Variants in NET1 observed in about 807,000 individuals in gnomAD.
NET1 encodes the protein neuroepithelial cell-transforming gene 1 protein.
A neutral mutation model predicts 61.1 loss-of-function variants in NET1; 42 were observed. The observed-to-expected ratio is 0.69, with a 90% CI of 0.54 to 0.89. The LOEUF (loss-of-function observed/expected upper bound fraction) is 0.89. NET1 is among the 40% of genes least tolerant of loss of function. The pLI is 0.00. For synonymous variants in NET1, 254 were observed against 281.8 expected, an observed-to-expected ratio of 0.90 and a Z score of 0.99; for missense variants, 654 against 747.3, an observed-to-expected ratio of 0.88 and a Z score of 1.46.
intron 3 of NET1, among the ~76,000 whole-genome samples, chr10:5,432,489 ACAGT>A (rs1832363903): frequency 1.3e-5 from 2 of 152,212 alleles, no homozygotes; most frequent in African/African-American, 4.8e-5. Context: ...GTAGGGATGT[ACAGT>A]CAAATTACTG....
Position 5,435,186 on chromosome 10 carries a change from A to T in NET1, c.255+5957A>T, listed in dbSNP as rs1415481440. On this transcript the variant is annotated intron_variant, in intron 3 of 11. Coordinates refer to ENST00000355029, the MANE Select transcript of NET1 (RefSeq NM_001047160.3). The surrounding 1 kb of genome is among the most constrained non-coding windows in gnomAD (Gnocchi z 5.0). Reference sequence around the variant, plus strand: ...ACGGGACCTATTCCAGACCAATTCCATATATGAATGGAGGAATAGGGGAGG... The same window carrying T: ...ACGGGACCTATTCCAGACCAATTCCTTATATGAATGGAGGAATAGGGGAGG... Among the ~76,000 whole-genome samples the T allele has an allele frequency of 1.3e-5, 2 of 152,198 alleles. No individual in the cohort carries two copies. The highest frequency in any genetic ancestry group is 2.9e-5 in the Non-Finnish European group (2 of 68,028).
Position 5,427,380 on chromosome 10 carries a change from T to C in NET1, c.195+659T>C, listed in dbSNP as rs543273719. ...TAAGTATGATCATATATGTGCTTTT[T>C]TCCCCTTAGTACAGTCTAATATTGC... is the stretch of plus-strand genomic sequence containing the variant. On this transcript the variant is annotated intron_variant, in intron 2 of 11. Transcript: ENST00000355029. The surrounding 1 kb of genome is among the most constrained non-coding windows in gnomAD (Gnocchi z 4.1). 1.3e-5 allele frequency among the ~76,000 whole-genome samples: 2 copies of C among 152,290 alleles called. No homozygotes were observed. The highest frequency in any genetic ancestry group is 4.1e-4 in the South Asian group (2 of 4,832).
Position 5,453,506 on chromosome 10 carries a change from A to C in NET1, c.714A>C (p.Glu238Asp). 1 of 1,614,210 alleles carries C rather than the reference A, an allele frequency of 6.2e-7. No individual in the cohort carries two copies. The highest frequency in any genetic ancestry group is 8.5e-7 in the Non-Finnish European group (1 of 1,180,034). ...LHEDLLTRIG[E>D]ATKPDGTVEQ... ...CAGATTTGTTGACAAGAATAGGAGA[A>C]GCAACCAAGCCTGATGGAACAGTGG... is the stretch of plus-strand genomic sequence containing the variant. The change falls in exon 8 of 12, where the codon GAA (glutamate) becomes GAC (aspartate). Residue 238 changes from glutamate to aspartate, a missense_variant. Coordinates refer to ENST00000355029, the MANE Select transcript of NET1 (RefSeq NM_001047160.3). The surrounding 1 kb of genome is among the most constrained non-coding windows in gnomAD (Gnocchi z 4.9).
Position 5,446,722 on chromosome 10 carries a change from C to T in NET1, c.256-5108C>T. 3 of 1,541,686 alleles carry T rather than the reference C, an allele frequency of 1.9e-6. No homozygotes were observed. Among genetic ancestry groups the T allele is most frequent in the Non-Finnish European group, 2.6e-6 (3 of 1,136,496 alleles). On this transcript the variant is annotated intron_variant, in intron 3 of 11. Transcript: ENST00000355029. The surrounding 1 kb of genome is among the most constrained non-coding windows in gnomAD (Gnocchi z 5.0). ...GCATAGCGTCGCTACAGCGCTGACTCGGTGTGGATTGATTGGAAAGGTTTG... is the reference window on the plus strand; with the variant it reads ...GCATAGCGTCGCTACAGCGCTGACTTGGTGTGGATTGATTGGAAAGGTTTG...
Position 5,422,023 on chromosome 10 carries a change from A to G in NET1, c.129-4632A>G, listed in dbSNP as rs1319328513. Among the ~76,000 whole-genome samples the G allele has an allele frequency of 6.6e-6, 1 of 152,202 alleles. No homozygotes were observed. Among genetic ancestry groups the G allele is most frequent in the Non-Finnish European group, 1.5e-5 (1 of 68,034 alleles). ...TTTCCAGTTTGGTGCTTTTATGGAT[A>G]ATGCTGCTATGAACATTTGCATGTA... On this transcript the variant is annotated intron_variant, in intron 1 of 11. Coordinates refer to ENST00000355029, the MANE Select transcript of NET1 (RefSeq NM_001047160.3). The surrounding 1 kb of genome is among the most constrained non-coding windows in gnomAD (Gnocchi z 4.1).
At position 5,423,043 on chromosome 10, in the gene NET1, G is replaced by GA. The variant is rs766238508; in HGVS notation, c.129-3606dup. Among the ~76,000 whole-genome samples, 9 of 152,050 alleles carry GA rather than the reference G, an allele frequency of 5.9e-5. No individual in the cohort carries two copies. The highest frequency in any genetic ancestry group is 4.1e-4 in the South Asian group (2 of 4,830). ...ACAGATTACATTTTTTATTTAATTG[G>GA]AAAAAATGTTATTTTTAGGATAAGA... On this transcript the variant is annotated intron_variant, in intron 1 of 11. Coordinates refer to ENST00000355029, the MANE Select transcript of NET1 (RefSeq NM_001047160.3). This position sits in a 1 kb window ranked among gnomAD's most constrained non-coding sequence, Gnocchi z 4.4.
Position 5,420,720 on chromosome 10 carries a change from C to T in NET1, c.129-5935C>T, listed in dbSNP as rs541926950. On this transcript the variant is annotated intron_variant, in intron 1 of 11. Coordinates refer to ENST00000355029, the MANE Select transcript of NET1 (RefSeq NM_001047160.3). This position sits in a 1 kb window ranked among gnomAD's most constrained non-coding sequence, Gnocchi z 5.3. ...AAGTGATCCTCCTTCCTCAGCCTCC[C>T]GAGTAACTGGGATTACAGGCAAGCG... Among the ~76,000 whole-genome samples the T allele has an allele frequency of 2.0e-5, 3 of 152,240 alleles. No homozygotes were observed. Among genetic ancestry groups the T allele is most frequent in the South Asian group, 2.1e-4 (1 of 4,808 alleles).
At position 5,417,958 on chromosome 10, in the gene NET1, GA is replaced by G. The variant is rs1832109118; in HGVS notation, c.128+5139del. 6.6e-6 allele frequency among the ~76,000 whole-genome samples: 1 copy of G among 152,016 alleles called. No homozygotes were observed. Reference sequence around the variant, plus strand: ...TTATTACTGATGTGTTACATTAATTGATTTTTTGGGATGTTAAACCAACTTT... The same window carrying G: ...TTATTACTGATGTGTTACATTAATTGTTTTTTGGGATGTTAAACCAACTTT... On this transcript the variant is annotated intron_variant, in intron 1 of 11. Transcript: ENST00000355029. The surrounding 1 kb of genome is among the most constrained non-coding windows in gnomAD (Gnocchi z 5.5).
rs530125328 is a variant in NET1, at chr10:5,447,796, C to G, written c.256-4034C>G. Reference sequence around the variant, plus strand: ...TTTTGTTCTTGGTTTTGGTCTTTGCCTATGTGTCGGTTTTCTCAAAATGTG... The same window carrying G: ...TTTTGTTCTTGGTTTTGGTCTTTGCGTATGTGTCGGTTTTCTCAAAATGTG... On this transcript the variant is annotated intron_variant, in intron 3 of 11. Transcript: ENST00000355029. This position sits in a 1 kb window ranked among gnomAD's most constrained non-coding sequence, Gnocchi z 4.1. Among the ~76,000 whole-genome samples the G allele has an allele frequency of 2.0e-5, 3 of 152,116 alleles. No individual in the cohort carries two copies. The South Asian group carries it at 6.2e-4, about 32-fold the overall frequency.
rs892602187 is a variant in NET1, at chr10:5,456,017, T to A, written c.1198-70T>A. The stretch of plus-strand genomic sequence containing the variant: ...TGATGAAATTAATAATGTCGAGTTA[T>A]TTTAGCAATATATTTCAGTCACTTA... On this transcript the variant is annotated intron_variant, in intron 10 of 11. Transcript: ENST00000355029. The surrounding 1 kb of genome is among the most constrained non-coding windows in gnomAD (Gnocchi z 7.0). 7.3e-7 allele frequency: 1 copy of A among 1,377,282 alleles called. No individual in the cohort carries two copies. Among genetic ancestry groups the A allele is most frequent in the Admixed American group, 2.1e-5 (1 of 46,648 alleles). The allele number at this position is 1,377,282 out of a possible 1,614,324, so 85.3% of individuals were successfully genotyped here.
chr10:5,453,784 C>G lies in NET1; in HGVS notation c.768+224C>G, dbSNP rs1372632347. On this transcript the variant is annotated intron_variant, in intron 8 of 11. Transcript: ENST00000355029. This position sits in a 1 kb window ranked among gnomAD's most constrained non-coding sequence, Gnocchi z 4.9. ...GGTTCATTTGTGTTACAAATACGTTCCTGCTTGGATAGAATTCCCACATCA... is the reference window on the plus strand; with the variant it reads ...GGTTCATTTGTGTTACAAATACGTTGCTGCTTGGATAGAATTCCCACATCA... 6.6e-6 allele frequency among the ~76,000 whole-genome samples: 1 copy of G among 151,866 alleles called. No homozygotes were observed. Among genetic ancestry groups the G allele is most frequent in the African/African-American group, 2.4e-5 (1 of 41,342 alleles).
rs1384632586 is a variant in NET1, at chr10:5,446,545, G to C, written c.256-5285G>C. ...CACGTGGTGGTGGACCCCGCCCCCA[G>C]GGCCCGGTTGGCTGTGGCCCCGCCC... On this transcript the variant is annotated intron_variant, in intron 3 of 11. Coordinates refer to ENST00000355029, the MANE Select transcript of NET1 (RefSeq NM_001047160.3). The surrounding 1 kb of genome is among the most constrained non-coding windows in gnomAD (Gnocchi z 5.0). 6 of 1,144,344 alleles carry C rather than the reference G, an allele frequency of 5.2e-6. No homozygotes were observed. The highest frequency in any genetic ancestry group is 3.6e-4 in the Middle Eastern group (1 of 2,774). 70.9% of individuals were successfully genotyped at this position (1,144,344 alleles called of 1,614,324 possible). A position where few individuals can be genotyped will look rare whatever the true frequency, so the allele number is the denominator to read the frequency against.
chr10:5,415,352 G>A lies in NET1; in HGVS notation c.128+2532G>A, dbSNP rs772300303. The stretch of plus-strand genomic sequence containing the variant: ...CTTCTGCCCTAAAACCTAATCTGTC[G>A]GTCTGTAGGAATTTCTCTGTTCTGG... On this transcript the variant is annotated intron_variant, in intron 1 of 11. Transcript: ENST00000355029. The surrounding 1 kb of genome is among the most constrained non-coding windows in gnomAD (Gnocchi z 4.7). Among the ~76,000 whole-genome samples the A allele has an allele frequency of 2.0e-5, 3 of 151,918 alleles. No homozygotes were observed. The South Asian group carries it at 6.2e-4, about 32-fold the overall frequency.
rs551099646 is a variant in NET1, at chr10:5,453,768, G to A, written c.768+208G>A. On this transcript the variant is annotated intron_variant, in intron 8 of 11. Coordinates refer to ENST00000355029, the MANE Select transcript of NET1 (RefSeq NM_001047160.3). The surrounding 1 kb of genome is among the most constrained non-coding windows in gnomAD (Gnocchi z 4.9). ...CTTCATTAATGCTATAGGTTCATTT[G>A]TGTTACAAATACGTTCCTGCTTGGA... Among the ~76,000 whole-genome samples, 32 of 151,544 alleles carry A rather than the reference G, an allele frequency of 2.1e-4. 1 individual carries two copies. The highest frequency in any genetic ancestry group is 7.7e-4 in the African/African-American group (32 of 41,400).
chr10:5,452,724 C>T lies in NET1; in HGVS notation c.532-134C>T. Reference sequence around the variant, plus strand: ...TACGGCAACCTTGTATTTGAGATTCCATTCTGAATTACAATTTTCAGACTG... The same window carrying T: ...TACGGCAACCTTGTATTTGAGATTCTATTCTGAATTACAATTTTCAGACTG... On this transcript the variant is annotated intron_variant, in intron 5 of 11. Transcript: ENST00000355029. This position sits in a 1 kb window ranked among gnomAD's most constrained non-coding sequence, Gnocchi z 4.0. The T allele has an allele frequency of 3.1e-6, 3 of 955,348 alleles. No individual in the cohort carries two copies. The highest frequency in any genetic ancestry group is 3.1e-6 in the Non-Finnish European group (2 of 638,016). 59.2% of individuals were successfully genotyped at this position (955,348 alleles called of 1,614,324 possible).
At chr10:5,430,996 C>A (rs1832341566) in intron 3 of NET1, among the ~76,000 whole-genome samples, 1 of 151,118 alleles carries the variant, frequency 6.6e-6, no homozygotes, top group African/African-American at 2.4e-5. Context: ...CTCAGCCTCC[C>A]AAGTAGCTGG....
chr10:5,448,799 T>C (rs1363607081), intron 3 of NET1, among the ~76,000 whole-genome samples: 2 of 151,540 alleles, frequency 1.3e-5, no homozygotes, highest in Non-Finnish European at 2.9e-5. Context: ...GCAGTGGAAC[T>C]ATGGGTGCCT....
Position 5,412,846 on chromosome 10 carries a change from A to G in NET1, c.128+26A>G, listed in dbSNP as rs769021997. ...GTGAGTGTGGGGGAGGGGAGGGCCG[A>G]ACGGGAGGTGAGTGTAGGGGAGCGG... On this transcript the variant is annotated intron_variant, in intron 1 of 11. Transcript: ENST00000355029. The surrounding 1 kb of genome is among the most constrained non-coding windows in gnomAD (Gnocchi z 6.5). The G allele has an allele frequency of 7.0e-6, 9 of 1,292,990 alleles. No homozygotes were observed. In the South Asian group the frequency reaches 1.4e-4, roughly 20 times the overall value. The allele number at this position is 1,292,990 out of a possible 1,614,324, so 80.1% of individuals were successfully genotyped here. A position where few individuals can be genotyped will look rare whatever the true frequency, so the allele number is the denominator to read the frequency against.
In NET1 at chr10:5,451,763, T is replaced by C; in HGVS notation, c.256-67T>C. 3.1e-6 allele frequency: 4 copies of C among 1,274,928 alleles called. No individual in the cohort carries two copies. In the South Asian group the frequency reaches 5.4e-5, roughly 17 times the overall value. 79.0% of individuals were successfully genotyped at this position (1,274,928 alleles called of 1,614,324 possible). ...ATTGTTTTGTGAGAGGGCTTTACTT[T>C]GTCCAAGTTTGTATGAAATCATTGC... On this transcript the variant is annotated intron_variant, in intron 3 of 11. Transcript: ENST00000355029. This position sits in a 1 kb window ranked among gnomAD's most constrained non-coding sequence, Gnocchi z 6.1.
Sources: gnomAD v4.1 joint callset for allele counts (sites outside exome capture counted in the v4.1 genomes callset) on GRCh38, gnomAD v4.1.1 for gene constraint, Gnocchi (gnomAD v3.1) non-coding constraint, MANE v1.5 for transcripts, NCBI Gene and HGNC (gene_info 2026-07-23, HGNC 2026-07-21) for gene names.